The following CREB5 variants were observed in gnomAD, a reference collection of about 807,000 sequenced individuals.
The protein encoded by CREB5 is cyclic AMP-responsive element-binding protein 5.
Under a neutral mutation model 57.1 loss-of-function variants are expected in CREB5, and 19 were observed. That is an observed-to-expected ratio of 0.33 (90% CI 0.23 to 0.49). The LOEUF is 0.49. Ranked by LOEUF, CREB5 falls within the 20% of genes least tolerant of loss-of-function variation. The probability of loss-of-function intolerance (pLI) is 0.99; values close to 1 mark genes in which losing one functional copy is unlikely to be tolerated. For synonymous variants in CREB5, 238 were observed against 238.3 expected (o/e 1.00, Z 0.01); for missense variants, 579 against 671.6 (o/e 0.86, Z 1.52).
At position 28,820,398 on chromosome 7, in the gene CREB5, T is replaced by C. The variant is rs1809692257; in HGVS notation, c.*1119T>C. 2 of 147,634 alleles carry C rather than the reference T, an allele frequency of 1.4e-5. No homozygotes were observed. The highest frequency in any genetic ancestry group is 2.5e-5 in the African/African-American group (1 of 39,522). The allele number at this position is 147,634 out of a possible 1,614,324, so 9.1% of individuals were successfully genotyped here. The stretch of plus-strand genomic sequence containing the variant: ...ATTACATTGTTCAATCATCAGCTGC[T>C]AATAGCCTAAGATTTATTTTTTTTT... On this transcript the variant is annotated 3_prime_UTR_variant, in exon 11 of 11. Coordinates refer to ENST00000357727, the MANE Select transcript of CREB5 (RefSeq NM_182898.4).
At chr7:28,432,371 G>T (rs1006830413) in intron 1 of CREB5, among the ~76,000 whole-genome samples, 1 of 152,102 alleles carries the variant, frequency 6.6e-6, no homozygotes, top group Admixed American at 6.6e-5. Flanking sequence ...ATCATTTTTC[G>T]GTTGTGTCAT....
intron 7 of CREB5, among the ~76,000 whole-genome samples, chr7:28,764,730 C>T (rs535247604): frequency 6.6e-5 from 10 of 152,228 alleles, no homozygotes; most frequent in African/African-American, 2.2e-4. Flanking sequence ...AAACTTGGGT[C>T]AGTTTTATAT....
intron 1 of CREB5, among the ~76,000 whole-genome samples, chr7:28,437,703 G>T (rs1789016839): frequency 6.6e-6 from 1 of 152,036 alleles, no homozygotes; most frequent in East Asian, 1.9e-4. Flanking sequence ...TAAATAAATG[G>T]AATTAGAACT....
chr7:28,736,432 G>C (rs1289978083), intron 7 of CREB5, among the ~76,000 whole-genome samples: 1 of 152,168 alleles, frequency 6.6e-6, no homozygotes, highest in Non-Finnish European at 1.5e-5. Context: ...GCCTCCCAAA[G>C]TGCTGGGATT....
chr7:28,488,085 G>C, intron 1 of CREB5, 90 bp from the exon 2 acceptor site: 1 of 1,147,052 alleles, frequency 8.7e-7, no homozygotes, highest in Non-Finnish European at 1.3e-6. Context: ...AGGGGGCTCT[G>C]AGTGATTGCC....
chr7:28,309,571 G>C (rs979513105), intron 1 of CREB5, among the ~76,000 whole-genome samples: 1 of 152,158 alleles, frequency 6.6e-6, no homozygotes, highest in Non-Finnish European at 1.5e-5. Context: ...AGCCAGGCTG[G>C]TGTTGCCCTG....
chr7:28,494,218 A>T (rs1039221384), intron 2 of CREB5, among the ~76,000 whole-genome samples: 1 of 152,222 alleles, frequency 6.6e-6, no homozygotes, highest in South Asian at 2.1e-4. Context: ...CATGTTTTGC[A>T]CATGGTTTTC....
At chr7:28,341,390 A>T (rs1785934132) in intron 1 of CREB5, among the ~76,000 whole-genome samples, 1 of 152,210 alleles carries the variant, frequency 6.6e-6, no homozygotes, top group African/African-American at 2.4e-5. Context: ...TATACCAGTC[A>T]TTCACACCCA....
intron 5 of CREB5, among the ~76,000 whole-genome samples, chr7:28,580,558 G>GGTGTGTGTGTGTGTGT (rs371277784): frequency 1.4e-4 from 17 of 124,966 alleles, no homozygotes; most frequent in East Asian, 2.6e-4. Context: ...TTGGCAAATT[G>GGTGTGTGTGTGTGTGT]GTGTGTGTGT....
Position 28,821,222 on chromosome 7 carries a change from G to A in CREB5, c.*1943G>A, listed in dbSNP as rs1809750625. 1 of 151,550 alleles carries A rather than the reference G, an allele frequency of 6.6e-6. No homozygotes were observed. Among genetic ancestry groups the A allele is most frequent in the African/African-American group, 2.4e-5 (1 of 41,230 alleles). The allele number at this position is 151,550 out of a possible 1,614,324, so 9.4% of individuals were successfully genotyped here. On this transcript the variant is annotated 3_prime_UTR_variant, in exon 11 of 11. Coordinates refer to ENST00000357727, the MANE Select transcript of CREB5 (RefSeq NM_182898.4). ...TAGCTTTTATAAGAGTGCAGAAAAG[G>A]GAAGGATGTGTTTTTTTCTCTCACT...
rs868005142 is a variant in CREB5, at chr7:28,600,266, A to G, written c.464+29729A>G. 4.6e-5 allele frequency among the ~76,000 whole-genome samples: 7 copies of G among 152,252 alleles called. No individual in the cohort carries two copies. The Middle Eastern group carries it at 0.02, about 444-fold the overall frequency. On this transcript the variant is annotated intron_variant, in intron 5 of 10. Coordinates refer to ENST00000357727, the MANE Select transcript of CREB5 (RefSeq NM_182898.4). Reference sequence around the variant, plus strand: ...TATTTGAATGGAGGAATTGCTGAGTAGGAAATGGAGAATGGGTGCAAAAAC... The same window carrying G: ...TATTTGAATGGAGGAATTGCTGAGTGGGAAATGGAGAATGGGTGCAAAAAC...
At chr7:28,368,159 C>T (rs780674923) in intron 1 of CREB5, among the ~76,000 whole-genome samples, 9 of 152,108 alleles carry the variant, frequency 5.9e-5, no homozygotes, top group South Asian at 2.1e-4. Context: ...AACCAAATAC[C>T]GCATGTTCTC....
intron 1 of CREB5, among the ~76,000 whole-genome samples, chr7:28,476,470 C>A (rs1199242689): frequency 6.6e-6 from 1 of 152,174 alleles, no homozygotes; most frequent in Non-Finnish European, 1.5e-5. Flanking sequence ...CCACTTGATC[C>A]TCCCAACATC....
intron 5 of CREB5, among the ~76,000 whole-genome samples, chr7:28,619,717 C>A (rs1158654195): frequency 3.3e-5 from 5 of 152,106 alleles, no homozygotes; most frequent in African/African-American, 7.2e-5. Flanking sequence ...ATAAAATAAG[C>A]CCACCTCTGT....
chr7:28,452,170 C>A (rs544509206), intron 1 of CREB5, among the ~76,000 whole-genome samples: 16 of 152,268 alleles, frequency 1.1e-4, no homozygotes, highest in Non-Finnish European at 1.9e-4. Context: ...AGTTTTGTTT[C>A]TCCATATCAT....
At chr7:28,329,333 G>C (rs554527825) in intron 1 of CREB5, among the ~76,000 whole-genome samples, 3 of 152,272 alleles carry the variant, frequency 2.0e-5, no homozygotes, top group South Asian at 2.1e-4. Context: ...CACAGACTGA[G>C]GTAGAGGCTG....
chr7:28,667,619 C>T (rs570470866), intron 5 of CREB5, among the ~76,000 whole-genome samples: 1 of 151,896 alleles, frequency 6.6e-6, no homozygotes, highest in East Asian at 1.9e-4. Context: ...AAAGATGAAA[C>T]CGTTAAAAAA....
intron 7 of CREB5, among the ~76,000 whole-genome samples, chr7:28,765,906 G>A (rs1463149820): frequency 2.6e-5 from 4 of 152,142 alleles, no homozygotes; most frequent in African/African-American, 7.2e-5. Context: ...AGGACAGTTC[G>A]AGAATTAATA....
intron 7 of CREB5, among the ~76,000 whole-genome samples, chr7:28,769,028 G>C (rs1314702443): frequency 6.6e-6 from 1 of 152,214 alleles, no homozygotes; most frequent in Non-Finnish European, 1.5e-5. Flanking sequence ...GTCCTTGAGT[G>C]TAAACTCATT....
Sources: gnomAD v4.1 joint callset for allele counts (sites outside exome capture counted in the v4.1 genomes callset) on GRCh38, gnomAD v4.1.1 for gene constraint, MANE v1.5 for transcripts, NCBI Gene and HGNC (gene_info 2026-07-23, HGNC 2026-07-21) for gene names.